The following CNTFR variants were observed in gnomAD, a reference collection of about 807,000 sequenced individuals.
CNTFR encodes ciliary neurotrophic factor receptor subunit alpha.
In CNTFR, 12 loss-of-function variants were observed where a neutral mutation model predicts 40.4. That is an observed-to-expected ratio of 0.30 (90% CI 0.19 to 0.48). CNTFR has a LOEUF of 0.48. Ranked by LOEUF, CNTFR falls within the 20% of genes least tolerant of loss-of-function variation. The pLI is 0.99. For missense variants in CNTFR, 414 were observed against 506.8 expected, an observed-to-expected ratio of 0.82 and a Z score of 1.76; for synonymous variants, 202 against 209.6, an observed-to-expected ratio of 0.96 and a Z score of 0.31.
intron 4 of CNTFR, among the ~76,000 whole-genome samples, chr9:34,560,896 C>T (rs1190336647): frequency 1.3e-5 from 2 of 152,250 alleles, no homozygotes; most frequent in African/African-American, 4.8e-5. Context: ...GTCCAGCCCA[C>T]CAAACCGCAT....
intron 3 of CNTFR, among the ~76,000 whole-genome samples, chr9:34,568,571 G>A (rs561596470): frequency 1.4e-4 from 22 of 152,116 alleles, no homozygotes; most frequent in African/African-American, 4.8e-4. Flanking sequence ...ACAAATCTCC[G>A]AGAGATCCCC....
chr9:34,560,681 C>T (rs1054319701), intron 4 of CNTFR, among the ~76,000 whole-genome samples: 1 of 152,206 alleles, frequency 6.6e-6, no homozygotes, highest in African/African-American at 2.4e-5. Flanking sequence ...TGCTCTTATG[C>T]ACACAGGTCA....
Position 34,565,286 on chromosome 9 carries a change from C to T in CNTFR, c.86-454G>A, listed in dbSNP as rs1178037440. Reference sequence around the variant, plus strand: ...ACCCAGGCAAGCTGGCATTGAGGGGCCCCACTCCTGGACTCCTTTTTCGGT... The same window carrying T: ...ACCCAGGCAAGCTGGCATTGAGGGGTCCCACTCCTGGACTCCTTTTTCGGT... On this transcript the variant is annotated intron_variant, in intron 3 of 9. Coordinates refer to ENST00000378980, the MANE Select transcript of CNTFR (RefSeq NM_147164.3). 2.6e-5 allele frequency among the ~76,000 whole-genome samples: 4 copies of T among 152,046 alleles called. No individual in the cohort carries two copies. In the East Asian group the frequency reaches 5.8e-4, roughly 22 times the overall value.
Position 34,552,040 on chromosome 9 carries a change from G to T in CNTFR, c.*31C>A. 1 of 1,260,084 alleles carries T rather than the reference G, an allele frequency of 7.9e-7. No homozygotes were observed. The highest frequency in any genetic ancestry group is 1.2e-6 in the Non-Finnish European group (1 of 867,556). The allele number at this position is 1,260,084 out of a possible 1,614,324, so 78.1% of individuals were successfully genotyped here. A position where few individuals can be genotyped will look rare whatever the true frequency, so the allele number is the denominator to read the frequency against. ...GCTCCGGCCTCCTGCTCCTCTGCAG[G>T]TGCTCTGCATGTCCTCATGGGGTGC... On this transcript the variant is annotated 3_prime_UTR_variant, in exon 10 of 10. Coordinates refer to ENST00000378980, the MANE Select transcript of CNTFR (RefSeq NM_147164.3). The surrounding 1 kb of genome is among the most constrained non-coding windows in gnomAD (Gnocchi z 5.1).
At chr9:34,571,680 C>A (rs116372682) in intron 2 of CNTFR, among the ~76,000 whole-genome samples, 3 of 152,024 alleles carry the variant, frequency 2.0e-5, no homozygotes, top group Non-Finnish European at 2.9e-5. Context: ...CCTGGGCCAA[C>A]GGGGCTGCAG....
At chr9:34,573,149 G>A (rs1381434410) in intron 2 of CNTFR, among the ~76,000 whole-genome samples, 1 of 148,178 alleles carries the variant, frequency 6.7e-6, no homozygotes, top group Non-Finnish European at 1.5e-5. Flanking sequence ...AATGTTCCGG[G>A]TTGCCCTGTA....
chr9:34,582,384 C>T (rs1827349776), intron 1 of CNTFR: 1 of 151,492 alleles, frequency 6.6e-6, no homozygotes, highest in Non-Finnish European at 1.5e-5. Context: ...CAAAGTCATA[C>T]AACTGGTAGT....
At position 34,552,953 on chromosome 9, in the gene CNTFR, T is replaced by A; in HGVS notation, c.769-99A>T. 8.4e-7 allele frequency: 1 copy of A among 1,183,744 alleles called. No homozygotes were observed. Among genetic ancestry groups the A allele is most frequent in the Non-Finnish European group, 1.2e-6 (1 of 832,550 alleles). The allele number at this position is 1,183,744 out of a possible 1,614,324, so 73.3% of individuals were successfully genotyped here. ...GAGCATGCCTCTGAGGAGAGGAGAGTAAAGGGCTCTGGGGGCAGTGAGGAC... is the reference window on the plus strand; with the variant it reads ...GAGCATGCCTCTGAGGAGAGGAGAGAAAAGGGCTCTGGGGGCAGTGAGGAC... On this transcript the variant is annotated intron_variant, in intron 7 of 9. Transcript: ENST00000378980. The surrounding 1 kb of genome is among the most constrained non-coding windows in gnomAD (Gnocchi z 5.1).
At chr9:34,558,191 C>T (rs913681484) in intron 4 of CNTFR, among the ~76,000 whole-genome samples, 1 of 152,104 alleles carries the variant, frequency 6.6e-6, no homozygotes, top group Admixed American at 6.5e-5. Flanking sequence ...AAGGGCTGTG[C>T]GGACACGGAA....
At chr9:34,570,328 G>C (rs1038328915) in intron 2 of CNTFR, among the ~76,000 whole-genome samples, 1 of 152,190 alleles carries the variant, frequency 6.6e-6, no homozygotes, top group African/African-American at 2.4e-5. Flanking sequence ...GAGGTGGTCA[G>C]AGAACAGCGA....
chr9:34,562,809 C>A (rs1022518690), intron 4 of CNTFR, among the ~76,000 whole-genome samples: 1 of 152,218 alleles, frequency 6.6e-6, no homozygotes, highest in Non-Finnish European at 1.5e-5. Context: ...TGCCTGCCCA[C>A]CTCACCCTCA....
chr9:34,559,694 C>T (rs1564060618), intron 4 of CNTFR, among the ~76,000 whole-genome samples: 1 of 152,066 alleles, frequency 6.6e-6, no homozygotes, highest in Admixed American at 6.5e-5. Context: ...TTGGCAGCCA[C>T]CCCAGGAGGA....
In CNTFR at chr9:34,567,422, A is replaced by G. The variant is rs199675368; in HGVS notation, c.85+1475T>C. Among the ~76,000 whole-genome samples the G allele has an allele frequency of 7.2e-5, 11 of 152,310 alleles. No individual in the cohort carries two copies. In the East Asian group the frequency reaches 2.1e-3, roughly 29 times the overall value. On this transcript the variant is annotated intron_variant, in intron 3 of 9. Coordinates refer to ENST00000378980, the MANE Select transcript of CNTFR (RefSeq NM_147164.3). ...TCACTTTGCCACACACAAAGGAACA[A>G]GGGCAGTCACCCCTAAAGAAGAAGG...
rs573694260 is a variant in CNTFR at position 34,568,928 on chromosome 9, T to G, written c.54A>C (p.Ala18=). ...ACCAVLAAAA[A]VVYAQRHSPQ... ...GACTGTGTCTCTGGGCGTAGACAAC[T>G]GCGGCGGCGGCGGCAAGCACAGCAC... Residue 18 remains alanine, a synonymous_variant, in exon 3 of 10, where the codon GCA becomes GCC. Coordinates refer to ENST00000378980, the MANE Select transcript of CNTFR (RefSeq NM_147164.3). 5.6e-6 allele frequency: 9 copies of G among 1,598,948 alleles called. No individual in the cohort carries two copies. In the African/African-American group the frequency reaches 8.1e-5, roughly 14 times the overall value.
In CNTFR at chr9:34,589,015, G is replaced by A. The variant is rs1165328073; in HGVS notation, c.-112+540C>T. ...CACTACATGGAGATACATCCAGGCGGACTGAAGAGAAAACCATGGGGACGC... is the reference window on the plus strand; with the variant it reads ...CACTACATGGAGATACATCCAGGCGAACTGAAGAGAAAACCATGGGGACGC... On this transcript the variant is annotated intron_variant, in intron 1 of 9. Coordinates refer to ENST00000378980, the MANE Select transcript of CNTFR (RefSeq NM_147164.3). The surrounding 1 kb of genome is among the most constrained non-coding windows in gnomAD (Gnocchi z 4.4). Among the ~76,000 whole-genome samples, 1 of 152,182 alleles carries A rather than the reference G, an allele frequency of 6.6e-6. No homozygotes were observed. Among genetic ancestry groups the A allele is most frequent in the Non-Finnish European group, 1.5e-5 (1 of 68,026 alleles).
Position 34,557,995 on chromosome 9 carries a change from G to T in CNTFR, c.320-11C>A. ...GCTCCCGCGGCGGCACTGGGGGTGA[G>T]GACAGTATGGTCAGGGCATTCTTGG... On this transcript the variant is annotated splice_polypyrimidine_tract_variant and intron_variant, in intron 4 of 9. Coordinates refer to ENST00000378980, the MANE Select transcript of CNTFR (RefSeq NM_147164.3). This position sits in a 1 kb window ranked among gnomAD's most constrained non-coding sequence, Gnocchi z 4.2. The T allele has an allele frequency of 6.6e-7, 1 of 1,523,962 alleles. No individual in the cohort carries two copies. The highest frequency in any genetic ancestry group is 8.8e-7 in the Non-Finnish European group (1 of 1,132,906). 94.4% of individuals were successfully genotyped at this position (1,523,962 alleles called of 1,614,324 possible). A position where few individuals can be genotyped will look rare whatever the true frequency, so the allele number is the denominator to read the frequency against.
chr9:34,582,103 A>G lies in CNTFR; in HGVS notation c.-111-898T>C, dbSNP rs528604581. Among the ~76,000 whole-genome samples, 7 of 152,078 alleles carry G rather than the reference A, an allele frequency of 4.6e-5. No individual in the cohort carries two copies. The East Asian group carries it at 1.4e-3, about 29-fold the overall frequency. ...AGCCTGGGCAACATAGTGAAACCCC[A>G]TCTCTACCAAAAATACAAAAAATTA... On this transcript the variant is annotated intron_variant, in intron 1 of 9. Transcript: ENST00000378980.
At chr9:34,579,117 C>T (rs1827154461) in intron 2 of CNTFR, among the ~76,000 whole-genome samples, 1 of 152,184 alleles carries the variant, frequency 6.6e-6, no homozygotes, top group South Asian at 2.1e-4. Flanking sequence ...GGGCACCAGA[C>T]AGCTGGGGAT....
chr9:34,571,602 G>T (rs77798131), intron 2 of CNTFR, among the ~76,000 whole-genome samples: 1 of 151,346 alleles, frequency 6.6e-6, no homozygotes, highest in Non-Finnish European at 1.5e-5. Flanking sequence ...AGGCCCCCGC[G>T]GGGGGAGGGG....
Sources: allele counts gnomAD v4.1 joint callset (sites outside exome capture counted in the v4.1 genomes callset), GRCh38; gene constraint gnomAD v4.1.1; non-coding constraint Gnocchi (gnomAD v3.1); transcripts MANE v1.5; gene names NCBI Gene and HGNC (gene_info 2026-07-23, HGNC 2026-07-21).